CFAP44: variants seen among roughly 807,000 people sequenced by gnomAD.
The protein encoded by CFAP44 is cilia and flagella associated protein 44, also known as cilia- and flagella-associated protein 44.
CFAP44 carries 134 observed loss-of-function variants against 216.2 expected under a neutral mutation model. The ratio of observed to expected loss-of-function variants is 0.62; its 90% confidence interval spans 0.54 to 0.72. The LOEUF is 0.72. Ranked by LOEUF, CFAP44 falls within the 30% of genes least tolerant of loss-of-function variation. The pLI is 0.00. For missense variants in CFAP44, 2,035 were observed against 2,182.1 expected, an observed-to-expected ratio of 0.93 and a Z score of 1.34; for synonymous variants, 700 against 727.6, an observed-to-expected ratio of 0.96 and a Z score of 0.61.
chr3:113,325,677 AT>A (rs1950183591), intron 28 of CFAP44, among the ~76,000 whole-genome samples: 1 of 152,154 alleles, frequency 6.6e-6, no homozygotes, highest in South Asian at 2.1e-4. Flanking sequence ...TTACTATCAA[AT>A]TTCCAACAAG....
chr3:113,390,225 A>G (rs1933759136), intron 15 of CFAP44, among the ~76,000 whole-genome samples: 1 of 152,192 alleles, frequency 6.6e-6, no homozygotes, highest in African/African-American at 2.4e-5. Context: ...ACATCATATC[A>G]ACAGAATGAA....
intron 19 of CFAP44, 92 bp from the exon 20 acceptor site, chr3:113,363,624 G>T: frequency 2.6e-6 from 3 of 1,161,616 alleles, no homozygotes; most frequent in East Asian, 2.7e-5. Flanking sequence ...AACTCAAATT[G>T]GTTCGGTTTT....
Position 113,291,578 on chromosome 3 carries a change from C to T in CFAP44, c.5544G>A (p.Glu1848=). ...LPPIQSPREK[E]IQPADL Reference sequence around the variant, plus strand: ...AAACTCAAAGGTCTGCGGGCTGTATCTCTTTCTCTCGTGGAGACTGAATGG... The same window carrying T: ...AAACTCAAAGGTCTGCGGGCTGTATTTCTTTCTCTCGTGGAGACTGAATGG... Residue 1848 remains glutamate (E), a synonymous_variant, in exon 35 of 35, where the codon GAG becomes GAA. Coordinates refer to ENST00000393845, the MANE Select transcript of CFAP44 (RefSeq NM_001164496.2). 1 of 1,537,174 alleles carries T rather than the reference C, an allele frequency of 6.5e-7. No individual in the cohort carries two copies. Among genetic ancestry groups the T allele is most frequent in the South Asian group, 1.2e-5 (1 of 84,050 alleles).
intron 28 of CFAP44, among the ~76,000 whole-genome samples, chr3:113,320,300 A>G (rs1320709402): frequency 6.6e-6 from 1 of 151,392 alleles, no homozygotes; most frequent in Non-Finnish European, 1.5e-5. Context: ...AAAGCAAATC[A>G]GATCCCCCAG....
At chr3:113,331,641 A>C (rs1263764874) in intron 25 of CFAP44, among the ~76,000 whole-genome samples, 1 of 150,926 alleles carries the variant, frequency 6.6e-6, no homozygotes, top group East Asian at 1.9e-4. Context: ...CCACCTGTGA[A>C]GTGTCTGAAG....
intron 6 of CFAP44, 147 bp from the exon 7 acceptor site, chr3:113,409,469 A>G: frequency 1.4e-6 from 1 of 695,298 alleles, no homozygotes; most frequent in Non-Finnish European, 2.4e-6. Flanking sequence ...AACATTCTCC[A>G]TCTTTGGCTT....
At chr3:113,418,326 AT>A (rs1239997310) in intron 5 of CFAP44, among the ~76,000 whole-genome samples, 1 of 152,058 alleles carries the variant, frequency 6.6e-6, no homozygotes, top group Non-Finnish European at 1.5e-5. Flanking sequence ...GCCTCAAGTG[AT>A]CCACCCACCT....
At position 113,286,999 on chromosome 3, in the gene CFAP44, G is replaced by A. The variant is rs769256963; in HGVS notation, c.*4558C>T. On this transcript the variant is annotated 3_prime_UTR_variant, in exon 35 of 35. Coordinates refer to ENST00000393845, the MANE Select transcript of CFAP44 (RefSeq NM_001164496.2). Reference sequence around the variant, plus strand: ...TATATTTATGCACTTGTAAATAAATGTATATGTTTTATAATTCTGGAGAGA... The same window carrying A: ...TATATTTATGCACTTGTAAATAAATATATATGTTTTATAATTCTGGAGAGA... 2.1e-6 allele frequency: 2 copies of A among 965,422 alleles called. No individual in the cohort carries two copies. The highest frequency in any genetic ancestry group is 1.5e-5 in the South Asian group (1 of 68,846). 59.8% of individuals were successfully genotyped at this position (965,422 alleles called of 1,614,324 possible).
In CFAP44 at chr3:113,426,188, C is replaced by T. The variant is rs1211874871; in HGVS notation, c.343G>A (p.Glu115Lys). ...ISESFFYDYMELASMPFVTLD... is the reference protein window; with the variant it reads ...ISESFFYDYMKLASMPFVTLD... ...GTCACAAAAGGCATCGAAGCAAGCT[C>T]CATATAATCATAGAAGAAGCTCTCT... Residue 115 changes from glutamate (E) to lysine (K), a missense_variant, in exon 4 of 35, where the codon GAG (glutamate) becomes AAG (lysine). By Grantham distance (56) the Glu-to-Lys change is moderately conservative (BLOSUM62 1). Around this residue, in one of 3 missense-constraint regions of CFAP44, gnomAD observed 149 missense variants for 141.8 expected, o/e 1.05. Transcript: ENST00000393845. 6.2e-7 allele frequency: 1 copy of T among 1,614,146 alleles called. No homozygotes were observed. Among genetic ancestry groups the T allele is most frequent in the Non-Finnish European group, 8.5e-7 (1 of 1,179,998 alleles).
At chr3:113,318,849 A>T (rs755139714) in intron 28 of CFAP44, among the ~76,000 whole-genome samples, 18 of 152,162 alleles carry the variant, frequency 1.2e-4, no homozygotes, top group Non-Finnish European at 2.1e-4. Flanking sequence ...TGAAGGAGAA[A>T]TAAAATCCTT....
Position 113,427,244 on chromosome 3 carries a change from C to G in CFAP44, c.196G>C (p.Glu66Gln). Reference sequence around the variant, plus strand: ...GAACTCAAACTTCCTTCCAAACGTTCCTCATCTGAGTCTTCTTCTAAATAT... The same window carrying G: ...GAACTCAAACTTCCTTCCAAACGTTGCTCATCTGAGTCTTCTTCTAAATAT... ...GSYLEEDSDE[E>Q]RLEGSLSSFQ... Residue 66 changes from glutamate (E) to glutamine (Q), a missense_variant, in exon 3 of 35, where the codon GAA becomes CAA. Glu to Gln is a conservative substitution (Grantham distance 29). Around this residue, in one of 3 missense-constraint regions of CFAP44, gnomAD observed 149 missense variants for 141.8 expected, o/e 1.05. Transcript: ENST00000393845. 1 of 1,613,614 alleles carries G rather than the reference C, an allele frequency of 6.2e-7. No individual in the cohort carries two copies. The highest frequency in any genetic ancestry group is 1.1e-5 in the South Asian group (1 of 90,958).
intron 2 of CFAP44, among the ~76,000 whole-genome samples, chr3:113,428,364 A>T (rs1935017755): frequency 6.6e-6 from 1 of 152,228 alleles, no homozygotes; most frequent in African/African-American, 2.4e-5. Context: ...CGTAATAAAA[A>T]ATAATGGGTA....
intron 32 of CFAP44, among the ~76,000 whole-genome samples, chr3:113,297,758 A>G (rs1168591865): frequency 6.6e-6 from 1 of 152,224 alleles, no homozygotes; most frequent in East Asian, 1.9e-4. Context: ...TCTCCAAGAA[A>G]ACATAATCTT....
At position 113,287,225 on chromosome 3, in the gene CFAP44, C is replaced by A; in HGVS notation, c.*4332G>T. Reference sequence around the variant, plus strand: ...TCCCAGGCACATGGTTCATCACGAGCATGAGGGAACAGCAAGGGGCACGGT... The same window carrying A: ...TCCCAGGCACATGGTTCATCACGAGAATGAGGGAACAGCAAGGGGCACGGT... On this transcript the variant is annotated 3_prime_UTR_variant, in exon 35 of 35. Coordinates refer to ENST00000393845, the MANE Select transcript of CFAP44 (RefSeq NM_001164496.2). 1 of 366,778 alleles carries A rather than the reference C, an allele frequency of 2.7e-6. No homozygotes were observed. Among genetic ancestry groups the A allele is most frequent in the Non-Finnish European group, 5.3e-6 (1 of 189,170 alleles). The allele number at this position is 366,778 out of a possible 1,614,324, so 22.7% of individuals were successfully genotyped here.
intron 17 of CFAP44, among the ~76,000 whole-genome samples, chr3:113,376,988 G>C (rs1188441114): frequency 6.6e-6 from 1 of 152,164 alleles, no homozygotes; most frequent in African/African-American, 2.4e-5. Context: ...AGAGTTGCAG[G>C]AGACTGTTCT....
In CFAP44 at chr3:113,308,281, G is replaced by A. The variant is rs929162584; in HGVS notation, c.4517-13C>T. ...TCCTCATCTTCATCTATGGAAAGAG[G>A]AGGGCATTGTTAACAAAGAAGCTTC... On this transcript the variant is annotated splice_polypyrimidine_tract_variant and intron_variant, in intron 28 of 34. Transcript: ENST00000393845. 125 of 1,511,128 alleles carry A rather than the reference G, an allele frequency of 8.3e-5. No homozygotes were observed. The highest frequency in any genetic ancestry group is 1.7e-4 in the Middle Eastern group (1 of 5,854). 93.6% of individuals were successfully genotyped at this position (1,511,128 alleles called of 1,614,324 possible).
At chr3:113,350,268 GAGAC>G (rs1480205498) in intron 22 of CFAP44, among the ~76,000 whole-genome samples, 3 of 151,540 alleles carry the variant, frequency 2.0e-5, no homozygotes, top group Non-Finnish European at 2.9e-5. Context: ...AAGAGAGGAA[GAGAC>G]AGACAAAGAA....
intron 28 of CFAP44, among the ~76,000 whole-genome samples, chr3:113,319,271 A>T (rs894609066): frequency 6.6e-6 from 1 of 152,164 alleles, no homozygotes; most frequent in Admixed American, 6.5e-5. Flanking sequence ...ACAAAAAAAG[A>T]GCAGGAGTTG....
Position 113,379,497 on chromosome 3 carries a change from T to G in CFAP44, c.2107A>C (p.Arg703=). 6.2e-7 allele frequency: 1 copy of G among 1,606,946 alleles called. No homozygotes were observed. Among genetic ancestry groups the G allele is most frequent in the Non-Finnish European group, 8.5e-7 (1 of 1,173,660 alleles). ...GCTAGCTTGTTCCTCCTTTCTTCCC[T>G]TATTTTCTCCTTCAACTCCCTTTGT... ...ERQRELKEKI[R]EERRNKLAAE... The change falls in exon 17 of 35, where the codon AGG becomes CGG. Residue 703 remains arginine (R), a synonymous_variant. Coordinates refer to ENST00000393845, the MANE Select transcript of CFAP44 (RefSeq NM_001164496.2).
Sources: gnomAD v4.1 joint callset for allele counts (sites outside exome capture counted in the v4.1 genomes callset) on GRCh38, gnomAD v4.1.1 for gene constraint, gnomAD v4.1.1 regional missense constraint, MANE v1.5 for transcripts, NCBI Gene and HGNC (gene_info 2026-07-23, HGNC 2026-07-21) for gene names.